ROBO2: variants seen among roughly 807,000 people sequenced by gnomAD.
ROBO2 encodes roundabout guidance receptor 2, also known as roundabout homolog 2.
A neutral mutation model predicts 160.8 loss-of-function variants in ROBO2; 53 were observed. That is an observed-to-expected ratio of 0.33 (90% confidence interval 0.26 to 0.41). ROBO2 has a LOEUF of 0.41. ROBO2 is among the 10% of genes least tolerant of loss of function. The pLI, the probability that ROBO2 is intolerant of heterozygous loss-of-function variation, is 1.00. For synonymous variants in ROBO2, 664 were observed against 611.7 expected (o/e 1.09, Z -1.26); for missense variants, 1,577 against 1,722.4 (o/e 0.92, Z 1.49).
chr3:77,176,495 T>C (rs1048384682), intron 2 of ROBO2, among the ~76,000 whole-genome samples: 2 of 152,028 alleles, frequency 1.3e-5, no homozygotes, highest in African/African-American at 4.8e-5. Flanking sequence ...AAAATTATAA[T>C]GGAAGTCAAT....
chr3:77,502,179 T>C (rs949854696), intron 5 of ROBO2, among the ~76,000 whole-genome samples: 1 of 152,208 alleles, frequency 6.6e-6, no homozygotes, highest in Admixed American at 6.5e-5. Flanking sequence ...CACTTTTGGC[T>C]ACTACATAGT....
chr3:77,622,408 G>C, exon 23 of ROBO2: 2 of 1,614,056 alleles, frequency 1.2e-6, no homozygotes, highest in Non-Finnish European at 8.5e-7. Flanking sequence ...ATCCAGCATG[G>C]ACAATCTAGA....
At chr3:76,948,030 T>G (rs2078680603) in intron 2 of ROBO2, among the ~76,000 whole-genome samples, 1 of 152,208 alleles carries the variant, frequency 6.6e-6, no homozygotes, top group Non-Finnish European at 1.5e-5. Context: ...TAGAATTTCT[T>G]TTAGTGAGAG....
chr3:76,659,139 C>G (rs888271813), intron 2 of ROBO2, among the ~76,000 whole-genome samples: 3 of 151,950 alleles, frequency 2.0e-5, no homozygotes, highest in South Asian at 2.1e-4. Flanking sequence ...CTTGAATATT[C>G]AATTCTGAAG....
At chr3:77,295,758 C>A (rs56194689) in intron 2 of ROBO2, among the ~76,000 whole-genome samples, 46,384 of 147,264 alleles carry the variant, frequency 0.31, 8,125 homozygotes, top group Middle Eastern at 0.46. Context: ...GAGGCTAGAT[C>A]ACCCCAGACA....
At chr3:77,306,750 T>C (rs903634259) in intron 2 of ROBO2, among the ~76,000 whole-genome samples, 3 of 152,222 alleles carry the variant, frequency 2.0e-5, no homozygotes, top group Non-Finnish European at 4.4e-5. Flanking sequence ...AATATTCATT[T>C]ATATCTCACA....
At chr3:76,758,245 A>G (rs2061098503) in intron 2 of ROBO2, among the ~76,000 whole-genome samples, 1 of 151,760 alleles carries the variant, frequency 6.6e-6, no homozygotes, top group Non-Finnish European at 1.5e-5. Flanking sequence ...TTTTACATTT[A>G]ATACCTTCTT....
intron 2 of ROBO2, among the ~76,000 whole-genome samples, chr3:77,110,152 C>G (rs1335043058): frequency 6.6e-6 from 1 of 152,168 alleles, no homozygotes; most frequent in Non-Finnish European, 1.5e-5. Flanking sequence ...CCATCACTTT[C>G]AGTTCTCATT....
At chr3:77,221,605 A>G (rs1321608474) in intron 2 of ROBO2, among the ~76,000 whole-genome samples, 39 of 151,962 alleles carry the variant, frequency 2.6e-4, no homozygotes, top group Admixed American at 2.5e-3. Flanking sequence ...CTTGTCATGC[A>G]TCTTACCTAG....
At chr3:76,560,990 G>T (rs148628366) in intron 2 of ROBO2, among the ~76,000 whole-genome samples, 2 of 146,472 alleles carry the variant, frequency 1.4e-5, no homozygotes, top group African/African-American at 5.0e-5. Flanking sequence ...CTGTGTGTGT[G>T]TGTATTTATA....
At chr3:77,555,537 T>C (rs1165799824) in intron 8 of ROBO2, among the ~76,000 whole-genome samples, 3 of 151,838 alleles carry the variant, frequency 2.0e-5, no homozygotes, top group Non-Finnish European at 4.4e-5. Context: ...TCTAAAAGAC[T>C]TCCGCATTAG....
chr3:77,573,869 CT>C (rs1289820357), intron 13 of ROBO2, among the ~76,000 whole-genome samples: 1 of 151,562 alleles, frequency 6.6e-6, no homozygotes, highest in Non-Finnish European at 1.5e-5. Context: ...ATGATTGTAA[CT>C]TGACCATGGT....
At chr3:77,042,682 C>T (rs1270792345) in intron 1 of ROBO2, among the ~76,000 whole-genome samples, 1 of 151,884 alleles carries the variant, frequency 6.6e-6, no homozygotes, top group Non-Finnish European at 1.5e-5. Context: ...GTCTGCCTTC[C>T]CTCCCTCCCT....
At chr3:77,180,748 T>G in intron 2 of ROBO2, among the ~76,000 whole-genome samples, 1 of 152,116 alleles carries the variant, frequency 6.6e-6, no homozygotes, top group Middle Eastern at 3.4e-3. Flanking sequence ...TATTAAATAC[T>G]TCCCAGATAT....
chr3:77,486,993 A>G (rs2085445820), intron 4 of ROBO2, among the ~76,000 whole-genome samples: 2 of 152,162 alleles, frequency 1.3e-5, no homozygotes, highest in South Asian at 4.1e-4. Flanking sequence ...TTTTCACAGT[A>G]CGATGTTCAG....
chr3:77,122,123 C>G (rs2150275004), intron 2 of ROBO2, among the ~76,000 whole-genome samples: 1 of 152,206 alleles, frequency 6.6e-6, no homozygotes, highest in South Asian at 2.1e-4. Flanking sequence ...ATATAAAGTG[C>G]AACGAGACTT....
At chr3:77,030,093 C>T (rs1330553132) in intron 2 of ROBO2, among the ~76,000 whole-genome samples, 2 of 151,852 alleles carry the variant, frequency 1.3e-5, no homozygotes, top group African/African-American at 4.8e-5. Flanking sequence ...TACAGGCGCC[C>T]GCCACCACGC....
chr3:76,747,904 T>A (rs2093919597), intron 2 of ROBO2, among the ~76,000 whole-genome samples: 1 of 152,032 alleles, frequency 6.6e-6, no homozygotes, highest in Admixed American at 6.6e-5. Context: ...GGGTTTAAAT[T>A]TAACCTGTAT....
intron 2 of ROBO2, among the ~76,000 whole-genome samples, chr3:76,173,839 G>T (rs911736605): frequency 6.6e-6 from 1 of 152,000 alleles, no homozygotes; most frequent in African/African-American, 2.4e-5. Context: ...TGCATGCGTT[G>T]TCTTAGTAGA....
Sources: gnomAD v4.1 joint callset for allele counts (sites outside exome capture counted in the v4.1 genomes callset) on GRCh38, gnomAD v4.1.1 for gene constraint, MANE v1.5 for transcripts, NCBI Gene and HGNC (gene_info 2026-07-23, HGNC 2026-07-21) for gene names.